Variants in P4HB observed in about 807,000 individuals in gnomAD.
P4HB encodes the protein prolyl 4-hydroxylase subunit beta.
P4HB carries 20 observed loss-of-function variants against 52.6 expected under a neutral mutation model. The ratio of observed to expected loss-of-function variants is 0.38; its 90% confidence interval spans 0.27 to 0.55. The LOEUF is 0.55. Among genes scored for constraint, P4HB ranks in the 20% least tolerant of loss-of-function variants. The probability of loss-of-function intolerance (pLI) is 0.74; values close to 1 mark genes in which losing one functional copy is unlikely to be tolerated. For synonymous variants in P4HB, 296 were observed against 277.9 expected (o/e 1.07, Z -0.65); for missense variants, 601 against 669.2 (o/e 0.90, Z 1.12).
intron 2 of P4HB, among the ~76,000 whole-genome samples, chr17:81,856,798 C>T (rs1012732990): frequency 1.3e-5 from 2 of 151,826 alleles, no homozygotes; most frequent in African/African-American, 2.4e-5. Flanking sequence ...TACAGGCGCC[C>T]GCCACCATGC....
Position 81,860,415 on chromosome 17 carries a change from G to T in P4HB, c.57C>A (p.Ala19=). 7.0e-7 allele frequency: 1 copy of T among 1,436,142 alleles called. No homozygotes were observed. The allele number at this position is 1,436,142 out of a possible 1,614,324, so 89.0% of individuals were successfully genotyped here. The change falls in exon 1 of 11, where the codon GCC becomes GCA. Residue 19 remains alanine, a synonymous_variant. Transcript: ENST00000331483. The stretch of plus-strand genomic sequence containing the variant: ...CCAGGACGTGGTCCTCCTCCTCGGG[G>T]GCGTCGGCGCGCACCAGGGCGGCCA... ...LAVAALVRAD[A]PEEEDHVLVL...
Position 81,847,276 on chromosome 17 carries a change from G to GT in P4HB, c.695dup (p.Asn232LysfsTer21). ...TGAACTCGATGACAAGGGGCAGCTG[G>GT]TTGTGTTTGATAAAGTCCAGCAGGT... On this transcript the variant is annotated frameshift_variant, in exon 5 of 11. Coordinates refer to ENST00000331483, the MANE Select transcript of P4HB (RefSeq NM_000918.4). LOFTEE classifies it high-confidence loss of function. 6.2e-7 allele frequency: 1 copy of GT among 1,614,136 alleles called. No individual in the cohort carries two copies. The highest frequency in any genetic ancestry group is 8.5e-7 in the Non-Finnish European group (1 of 1,180,036).
chr17:81,847,408 G>A (rs1182669653), intron 4 of P4HB, 61 bp from the exon 5 acceptor site: 16 of 1,417,012 alleles, frequency 1.1e-5, no homozygotes, highest in Middle Eastern at 1.8e-4. Context: ...CCCTGGGCCC[G>A]GGTCTCCCTG....
chr17:81,852,501 C>A (rs2038847782), intron 4 of P4HB, among the ~76,000 whole-genome samples: 1 of 152,258 alleles, frequency 6.6e-6, no homozygotes, highest in South Asian at 2.1e-4. Flanking sequence ...ACTTCCAGGG[C>A]AGCCCCTACC....
At position 81,845,391 on chromosome 17, in the gene P4HB, T is replaced by G. The variant is rs1264846132; in HGVS notation, c.1360-161A>C. 6.0e-6 allele frequency: 5 copies of G among 831,828 alleles called. No individual in the cohort carries two copies. The East Asian group carries it at 1.3e-4, about 22-fold the overall frequency. 51.5% of individuals were successfully genotyped at this position (831,828 alleles called of 1,614,324 possible). ...TTCAAAAACAGCCTAGGCAATATAGTGAGATCCCATCTCTCTCGAAAAACA... is the reference window on the plus strand; with the variant it reads ...TTCAAAAACAGCCTAGGCAATATAGGGAGATCCCATCTCTCTCGAAAAACA... On this transcript the variant is annotated intron_variant, in intron 9 of 10. Coordinates refer to ENST00000331483, the MANE Select transcript of P4HB (RefSeq NM_000918.4).
Position 81,843,442 on chromosome 17 carries a change from C to T in P4HB, c.*570G>A, listed in dbSNP as rs912517739. The T allele has an allele frequency of 1.0e-5, 4 of 399,794 alleles. No individual in the cohort carries two copies. The East Asian group carries it at 1.4e-4, about 14-fold the overall frequency. The allele number at this position is 399,794 out of a possible 1,614,324, so 24.8% of individuals were successfully genotyped here. On this transcript the variant is annotated 3_prime_UTR_variant, in exon 11 of 11. Coordinates refer to ENST00000331483, the MANE Select transcript of P4HB (RefSeq NM_000918.4). ...GGGCTGGCAGCCACCAGCTCCTCTT[C>T]CAGGCATGGGGGACACCCTGACAGG... is the stretch of plus-strand genomic sequence containing the variant.
intron 2 of P4HB, among the ~76,000 whole-genome samples, chr17:81,856,268 G>A (rs935006383): frequency 6.6e-6 from 1 of 151,294 alleles, no homozygotes; most frequent in African/African-American, 2.4e-5. Flanking sequence ...CTGGGCTCAA[G>A]CAATCCTCCT....
Position 81,846,322 on chromosome 17 carries a change from T to C in P4HB, c.1056+107A>G. ...ACCATCTTGGGCTCCGTCCTCTTAC[T>C]CTGAAGATCTTACTTTGAGGACGAA... is the stretch of plus-strand genomic sequence containing the variant. On this transcript the variant is annotated intron_variant, in intron 7 of 10. Transcript: ENST00000331483. This position sits in a 1 kb window ranked among gnomAD's most constrained non-coding sequence, Gnocchi z 5.7. 9.5e-7 allele frequency: 1 copy of C among 1,053,608 alleles called. No homozygotes were observed. The highest frequency in any genetic ancestry group is 1.4e-6 in the Non-Finnish European group (1 of 696,044). 65.3% of individuals were successfully genotyped at this position (1,053,608 alleles called of 1,614,324 possible).
At chr17:81,849,598 T>G (rs1000821729) in intron 4 of P4HB, among the ~76,000 whole-genome samples, 1 of 152,212 alleles carries the variant, frequency 6.6e-6, no homozygotes, top group Non-Finnish European at 1.5e-5. Context: ...TCCACGTGCC[T>G]GTAAGGCCCT....
Position 81,845,155 on chromosome 17 carries a change from C to T in P4HB, c.1435G>A (p.Gly479Arg). The change falls in exon 10 of 11, where the codon GGG (glycine) becomes AGG (arginine). Residue 479 changes from glycine to arginine, a missense_variant. Gly to Arg is a moderately radical substitution (Grantham distance 125). Transcript: ENST00000331483. ...GTGACCCCACTCACGTCATCATCCCCTGCCCCATCCTGGCCACCGCTCTCC... is the reference window on the plus strand; with the variant it reads ...GTGACCCCACTCACGTCATCATCCCTTGCCCCATCCTGGCCACCGCTCTCC... Reference protein sequence around the residue: ...FLESGGQDGAGDDDDLEDLEE... With the variant: ...FLESGGQDGARDDDDLEDLEE... 1 of 1,613,134 alleles carries T rather than the reference C, an allele frequency of 6.2e-7. No individual in the cohort carries two copies. Among genetic ancestry groups the T allele is most frequent in the Non-Finnish European group, 8.5e-7 (1 of 1,179,278 alleles).
In P4HB at chr17:81,847,076, T is replaced by TG. The variant is rs777789957; in HGVS notation, c.730-5dup. 6.2e-7 allele frequency: 1 copy of TG among 1,614,016 alleles called. No individual in the cohort carries two copies. Among genetic ancestry groups the TG allele is most frequent in the South Asian group, 1.1e-5 (1 of 91,088 alleles). On this transcript the variant is annotated splice_polypyrimidine_tract_variant and splice_region_variant and intron_variant, in intron 5 of 10. Coordinates refer to ENST00000331483, the MANE Select transcript of P4HB (RefSeq NM_000918.4). ...CTCCAAAAATCTTCGGGGCTGTCTG[T>TG]GTTATAAACTTAAGTTACTGGGTCT...
intron 10 of P4HB, 55 bp from the exon 11 acceptor site, chr17:81,844,147 G>A: frequency 8.0e-7 from 1 of 1,256,366 alleles, no homozygotes; most frequent in Non-Finnish European, 1.2e-6. Flanking sequence ...AGCTGAGGCT[G>A]CCGGCCCCCA....
rs367629072 is a variant in P4HB at position 81,844,063 on chromosome 17, C to T, written c.1476G>A (p.Glu492=). The change falls in exon 11 of 11, where the codon GAG becomes GAA. Residue 492 remains glutamate (E), a synonymous_variant. Transcript: ENST00000331483. ...DDLEDLEEAE[E]PDMEEDDDQK... Reference sequence around the variant, plus strand: ...GATCATCGTCTTCCTCCATGTCTGGCTCCTCTGCTTCTTCCAGGTCCTCGA... The same window carrying T: ...GATCATCGTCTTCCTCCATGTCTGGTTCCTCTGCTTCTTCCAGGTCCTCGA... The T allele has an allele frequency of 6.2e-7, 1 of 1,613,768 alleles. No homozygotes were observed.
At position 81,858,007 on chromosome 17, in the gene P4HB, C is replaced by T. The variant is rs145019696; in HGVS notation, c.352+1174G>A. ...GAACATGAGTAAAAAATGAGAACATCAATCACGCCTGTAATCCTAGCACTC... is the reference window on the plus strand; with the variant it reads ...GAACATGAGTAAAAAATGAGAACATTAATCACGCCTGTAATCCTAGCACTC... On this transcript the variant is annotated intron_variant, in intron 2 of 10. Coordinates refer to ENST00000331483, the MANE Select transcript of P4HB (RefSeq NM_000918.4). Among the ~76,000 whole-genome samples, 1,382 of 152,154 alleles carry T rather than the reference C, an allele frequency of 9.1e-3. 10 individuals are homozygous for T. Among genetic ancestry groups the T allele is most frequent in the Non-Finnish European group, 0.014 (943 of 67,990 alleles).
rs780378495 is a variant in P4HB at position 81,855,082 on chromosome 17, G to A, written c.624+60C>T. On this transcript the variant is annotated intron_variant, in intron 4 of 10. Transcript: ENST00000331483. This position sits in a 1 kb window ranked among gnomAD's most constrained non-coding sequence, Gnocchi z 4.3. The stretch of plus-strand genomic sequence containing the variant: ...TTCCCTTAACGATAAGGAGAGCAAC[G>A]CCACCCTCTGCAGACCAACCCCAGA... 7.7e-6 allele frequency: 12 copies of A among 1,560,164 alleles called. No individual in the cohort carries two copies. The highest frequency in any genetic ancestry group is 5.0e-5 in the Admixed American group (3 of 59,686).
Position 81,855,357 on chromosome 17 carries a change from C to T in P4HB, c.487-78G>A. ...TAGGGCAGACCCTGTAGAGCCCAGG[C>T]CAGGGGGGACACGTGCAGAACTGCC... On this transcript the variant is annotated intron_variant, in intron 3 of 10. Coordinates refer to ENST00000331483, the MANE Select transcript of P4HB (RefSeq NM_000918.4). The surrounding 1 kb of genome is among the most constrained non-coding windows in gnomAD (Gnocchi z 4.3). 1 of 1,601,186 alleles carries T rather than the reference C, an allele frequency of 6.2e-7. No homozygotes were observed. The highest frequency in any genetic ancestry group is 8.5e-7 in the Non-Finnish European group (1 of 1,170,850).
intron 10 of P4HB, 64 bp downstream of exon 10, chr17:81,845,080 G>T: frequency 1.6e-6 from 2 of 1,278,868 alleles, no homozygotes; most frequent in Non-Finnish European, 2.3e-6. Flanking sequence ...GCCCAAGTGG[G>T]CATGTCCCGT....
intron 1 of P4HB, 63 bp from the exon 2 acceptor site, chr17:81,859,450 G>A (rs2038963226): frequency 2.9e-6 from 4 of 1,401,344 alleles, no homozygotes; most frequent in Non-Finnish European, 4.0e-6. Context: ...TGATCCCTCA[G>A]CAGTGCTTCC....
At chr17:81,849,411 G>A (rs1432986410) in intron 4 of P4HB, among the ~76,000 whole-genome samples, 2 of 151,620 alleles carry the variant, frequency 1.3e-5, no homozygotes, top group African/African-American at 4.8e-5. Flanking sequence ...CAGGAGAATC[G>A]CTTGAACCCA....
Sources: allele counts gnomAD v4.1 joint callset (sites outside exome capture counted in the v4.1 genomes callset), GRCh38; gene constraint gnomAD v4.1.1; non-coding constraint Gnocchi (gnomAD v3.1); transcripts MANE v1.5; gene names NCBI Gene and HGNC (gene_info 2026-07-23, HGNC 2026-07-21).